AGMO: variants seen among roughly 807,000 people sequenced by gnomAD.
AGMO encodes glyceryl-ether monooxygenase.
In AGMO, 75 loss-of-function variants were observed where a neutral mutation model predicts 60.2. That is an observed-to-expected ratio of 1.25 (90% CI 1.03 to 1.51). The LOEUF is 1.51. AGMO is among the 40% of genes most tolerant of loss of function. The pLI is 0.00. For synonymous variants in AGMO, 261 were observed against 177.1 expected (o/e 1.47, Z -3.76); for missense variants, 763 against 525.5 (o/e 1.45, Z -4.42).
chr7:15,318,789 T>C (rs1307947754), intron 12 of AGMO, among the ~76,000 whole-genome samples: 2 of 152,162 alleles, frequency 1.3e-5, no homozygotes, highest in South Asian at 2.1e-4. Flanking sequence ...CAATCCTCTT[T>C]TACAGGTTGC....
rs768857037 is a variant in AGMO, at chr7:15,561,808, G to T, written c.38C>A (p.Ser13Tyr). Reference protein sequence around the residue: ...NPEAQQDVSVSQGFRMLFYTM... With the variant: ...NPEAQQDVSVYQGFRMLFYTM... ...GTAAAACAACATGCGAAATCCCTGG[G>T]AAACTGAAACATCCTGCTGGGCTTC... The change falls in exon 1 of 13, where the codon TCC becomes TAC. Residue 13 changes from serine to tyrosine, a missense_variant. Ser to Tyr is a moderately radical substitution (Grantham distance 144, BLOSUM62 -2). Transcript: ENST00000342526. 1.9e-6 allele frequency: 3 copies of T among 1,609,784 alleles called. No individual in the cohort carries two copies. The highest frequency in any genetic ancestry group is 2.5e-6 in the Non-Finnish European group (3 of 1,177,366).
chr7:15,129,712 G>A, the AGMO span, among the ~76,000 whole-genome samples: 1 of 152,018 alleles, frequency 6.6e-6, no homozygotes, highest in Non-Finnish European at 1.5e-5. Context: ...ATTGCATTAT[G>A]GGTGGTTTTG....
At position 15,260,918 on chromosome 7, in the gene AGMO, TG is replaced by T. The variant is rs747175476; in HGVS notation, c.1264-59560del. Among the ~76,000 whole-genome samples the T allele has an allele frequency of 2.2e-4, 33 of 152,008 alleles. No homozygotes were observed. In the East Asian group the frequency reaches 5.6e-3, roughly 26 times the overall value. On this transcript the variant is annotated intron_variant, in intron 12 of 12. Transcript: ENST00000342526. ...AAATAACCTGCTCCTAAATGATCATTGGGTCAACAATGAAATCAAGATGGAA... is the reference window on the plus strand; with the variant it reads ...AAATAACCTGCTCCTAAATGATCATTGGTCAACAATGAAATCAAGATGGAA...
At chr7:15,497,041 G>A (rs1416220557) in intron 3 of AGMO, among the ~76,000 whole-genome samples, 1 of 152,080 alleles carries the variant, frequency 6.6e-6, no homozygotes, top group Non-Finnish European at 1.5e-5. Flanking sequence ...TTTATAAAAA[G>A]CTTCTTAGGT....
intron 12 of AGMO, among the ~76,000 whole-genome samples, chr7:15,211,559 G>GT (rs897898775): frequency 0.013 from 1,992 of 150,056 alleles, 52 homozygotes; most frequent in African/African-American, 0.046. Context: ...GGTGTTCCAT[G>GT]TTTTTTTTTG....
intron 4 of AGMO, among the ~76,000 whole-genome samples, chr7:15,423,138 T>A (rs1359367655): frequency 6.6e-6 from 1 of 152,202 alleles, no homozygotes; most frequent in African/African-American, 2.4e-5. Context: ...ACATTACTAA[T>A]GTACATATTT....
chr7:15,119,304 C>G, the AGMO span, among the ~76,000 whole-genome samples: 1 of 151,974 alleles, frequency 6.6e-6, no homozygotes, highest in African/African-American at 2.4e-5. Flanking sequence ...GAAGTTGATG[C>G]TGCCATGCTT....
At chr7:15,389,348 G>A (rs563934882) in intron 8 of AGMO, among the ~76,000 whole-genome samples, 12 of 152,252 alleles carry the variant, frequency 7.9e-5, no homozygotes, top group Non-Finnish European at 1.8e-4. Flanking sequence ...ACTCCTATAT[G>A]AAGAAAAGGG....
chr7:15,140,337 C>G, the AGMO span, among the ~76,000 whole-genome samples: 1 of 152,034 alleles, frequency 6.6e-6, no homozygotes, highest in Non-Finnish European at 1.5e-5. Context: ...GGAGATTTGT[C>G]TTTTCCCTCT....
intron 3 of AGMO, among the ~76,000 whole-genome samples, chr7:15,451,429 T>C (rs138724582): frequency 0.016 from 2,463 of 152,100 alleles, 37 homozygotes; most frequent in Middle Eastern, 0.027. Flanking sequence ...ACTGGATAAT[T>C]TATAAACAAT....
intron 12 of AGMO, among the ~76,000 whole-genome samples, chr7:15,342,209 G>A (rs1025487253): frequency 2.9e-5 from 3 of 102,826 alleles, no homozygotes; most frequent in Non-Finnish European, 3.9e-5. Flanking sequence ...ACTAAGTCCT[G>A]AAGCACTAAG....
At chr7:15,400,276 C>A (rs1235871558) in intron 5 of AGMO, among the ~76,000 whole-genome samples, 2 of 151,986 alleles carry the variant, frequency 1.3e-5, no homozygotes, top group East Asian at 1.9e-4. Flanking sequence ...TTATCACCAC[C>A]CCCCCAAGCA....
the AGMO span, among the ~76,000 whole-genome samples, chr7:15,172,292 T>C: frequency 1.7e-4 from 26 of 152,290 alleles, no homozygotes; most frequent in East Asian, 4.2e-3. Flanking sequence ...AGACATCAAG[T>C]GAATCTCAAT....
intron 12 of AGMO, among the ~76,000 whole-genome samples, chr7:15,220,855 T>C (rs994118409): frequency 1.3e-5 from 2 of 152,080 alleles, no homozygotes; most frequent in Admixed American, 6.6e-5. Context: ...TCTAATTATG[T>C]CCCCTGAAAT....
intron 3 of AGMO, among the ~76,000 whole-genome samples, chr7:15,446,693 A>C (rs1278785033): frequency 6.6e-6 from 1 of 152,240 alleles, no homozygotes; most frequent in Non-Finnish European, 1.5e-5. Context: ...CAATTTAAGT[A>C]ATTTCAGTGC....
the AGMO span, among the ~76,000 whole-genome samples, chr7:15,194,158 T>G: frequency 1.3e-5 from 2 of 152,172 alleles, no homozygotes; most frequent in Non-Finnish European, 2.9e-5. Context: ...AATGATCAAG[T>G]GTTTCACATT....
At chr7:15,150,475 T>C in the AGMO span, among the ~76,000 whole-genome samples, 1 of 152,136 alleles carries the variant, frequency 6.6e-6, no homozygotes, top group African/African-American at 2.4e-5. Flanking sequence ...TGAGGTATGT[T>C]CCTTCAATGG....
chr7:15,206,942 A>T (rs73054538), intron 12 of AGMO, among the ~76,000 whole-genome samples: 1 of 152,144 alleles, frequency 6.6e-6, no homozygotes. Context: ...AGCTTAATTT[A>T]CACAACAAAT....
intron 3 of AGMO, among the ~76,000 whole-genome samples, chr7:15,440,351 T>C (rs1240417593): frequency 1.3e-5 from 2 of 152,170 alleles, no homozygotes; most frequent in African/African-American, 2.4e-5. Flanking sequence ...CTCATATATA[T>C]GTTTTGGAAA....
Sources: gnomAD v4.1 joint callset for allele counts (sites outside exome capture counted in the v4.1 genomes callset) on GRCh38, gnomAD v4.1.1 for gene constraint, MANE v1.5 for transcripts, NCBI Gene and HGNC (gene_info 2026-07-23, HGNC 2026-07-21) for gene names.